Variants in KIAA0319 observed in about 807,000 individuals in gnomAD.
The protein encoded by KIAA0319 is dyslexia-associated protein KIAA0319.
KIAA0319 carries 83 observed loss-of-function variants against 108.4 expected under a neutral mutation model. The ratio of observed to expected loss-of-function variants is 0.77; its 90% CI spans 0.64 to 0.92. The LOEUF is 0.92. Ranked by LOEUF, KIAA0319 falls within the 40% of genes least tolerant of loss-of-function variation. KIAA0319 has a pLI of 0.00. For synonymous variants in KIAA0319, 484 were observed against 510.4 expected, an observed-to-expected ratio of 0.95 and a Z score of 0.70; for missense variants, 1,195 against 1,322.4, an observed-to-expected ratio of 0.90 and a Z score of 1.49.
rs1041982202 is a variant in KIAA0319, at chr6:24,595,994, G to A, written c.680C>T (p.Pro227Leu). The A allele has an allele frequency of 1.2e-6, 2 of 1,614,074 alleles. No homozygotes were observed. Among genetic ancestry groups the A allele is most frequent in the African/African-American group, 1.3e-5 (1 of 74,916 alleles). Reference protein sequence around the residue: ...YLNESASTPAPKLPERSVLLP... With the variant: ...YLNESASTPALKLPERSVLLP... ...CAACACACTTCTCTCAGGGAGTTTT[G>A]GGGCAGGGGTTGAAGCCGACTCATT... The change falls in exon 3 of 21, where the codon CCA (proline) becomes CTA (leucine). Residue 227 changes from proline (P) to leucine (L), a missense_variant. Transcript: ENST00000378214.
At chr6:24,555,553 T>C (rs1479033861) in intron 18 of KIAA0319, among the ~76,000 whole-genome samples, 1 of 151,766 alleles carries the variant, frequency 6.6e-6, no homozygotes, top group Non-Finnish European at 1.5e-5. Flanking sequence ...ATAATTTCAT[T>C]GGAATAATGA....
chr6:24,590,786 G>C (rs1768354323), intron 3 of KIAA0319, among the ~76,000 whole-genome samples: 1 of 152,166 alleles, frequency 6.6e-6, no homozygotes, highest in Non-Finnish European at 1.5e-5. Context: ...GCCTCTCCAG[G>C]CTGGAATCAC....
intron 1 of KIAA0319, among the ~76,000 whole-genome samples, chr6:24,613,736 A>T (rs930021646): frequency 1.2e-4 from 18 of 151,944 alleles, no homozygotes; most frequent in Non-Finnish European, 1.6e-4. Context: ...GAACAAAAGG[A>T]ATGGATTTTA....
At chr6:24,559,208 A>G in intron 16 of KIAA0319, 53 bp from the exon 17 acceptor site, 1 of 1,584,554 alleles carries the variant, frequency 6.3e-7, no homozygotes, top group Non-Finnish European at 8.6e-7. Flanking sequence ...GGTGACTACC[A>G]TGACACGCCC....
At chr6:24,588,026 C>T (rs1168196771) in intron 4 of KIAA0319, among the ~76,000 whole-genome samples, 6 of 152,256 alleles carry the variant, frequency 3.9e-5, no homozygotes. Context: ...CTGCTTACCA[C>T]TCCAGTTCCA....
At position 24,599,474 on chromosome 6, in the gene KIAA0319, C is replaced by A. The variant is rs1312441669; in HGVS notation, c.55+1575G>T. 1.8e-6 allele frequency: 1 copy of A among 559,680 alleles called. No individual in the cohort carries two copies. The highest frequency in any genetic ancestry group is 3.4e-6 in the Non-Finnish European group (1 of 291,278). 34.7% of individuals were successfully genotyped at this position (559,680 alleles called of 1,614,324 possible). A position where few individuals can be genotyped will look rare whatever the true frequency, so the allele number is the denominator to read the frequency against. On this transcript the variant is annotated intron_variant, in intron 2 of 20. Transcript: ENST00000378214. This position sits in a 1 kb window ranked among gnomAD's most constrained non-coding sequence, Gnocchi z 4.1. ...ACATGGCATGGCAGCTGCATGAGTA[C>A]CAGGAGCTGATGATCATCAAGCCAA...
At chr6:24,597,401 G>A (rs1205840596) in intron 2 of KIAA0319, among the ~76,000 whole-genome samples, 1 of 152,184 alleles carries the variant, frequency 6.6e-6, no homozygotes, top group Admixed American at 6.5e-5. Context: ...GCTGGAGGTG[G>A]TGGATTCCTT....
rs1769444129 is a variant in KIAA0319 at position 24,595,799 on chromosome 6, C to T, written c.801+74G>A. On this transcript the variant is annotated intron_variant, in intron 3 of 20. Transcript: ENST00000378214. ...TACAGCCTGAATGAGTGCCCGGCTC[C>T]TGAAACTCAGCCCCTCCTACGGTCT... 2.0e-6 allele frequency: 3 copies of T among 1,494,788 alleles called. No homozygotes were observed. In the African/African-American group the frequency reaches 4.2e-5, roughly 21 times the overall value. 92.6% of individuals were successfully genotyped at this position (1,494,788 alleles called of 1,614,324 possible). A position where few individuals can be genotyped will look rare whatever the true frequency, so the allele number is the denominator to read the frequency against.
chr6:24,542,713 TCAAA>T (rs1341996700), downstream of KIAA0319, among the ~76,000 whole-genome samples: 3 of 152,226 alleles, frequency 2.0e-5, no homozygotes, highest in Admixed American at 6.5e-5. Flanking sequence ...AGACCCTGTC[TCAAA>T]CAAACAAAAA....
intron 16 of KIAA0319, among the ~76,000 whole-genome samples, chr6:24,560,602 G>A (rs1762981005): frequency 6.6e-6 from 1 of 152,186 alleles, no homozygotes; most frequent in Non-Finnish European, 1.5e-5. Flanking sequence ...TCACAGTTCT[G>A]GAGGCCAGAA....
chr6:24,643,493 C>G (rs1329152701), intron 1 of KIAA0319, among the ~76,000 whole-genome samples: 1 of 152,062 alleles, frequency 6.6e-6, no homozygotes, highest in Non-Finnish European at 1.5e-5. Flanking sequence ...AAGCAAAGCT[C>G]CTTCCTTGGG....
intron 1 of KIAA0319, among the ~76,000 whole-genome samples, chr6:24,635,162 A>G (rs541463442): frequency 1.3e-5 from 2 of 151,338 alleles, no homozygotes; most frequent in African/African-American, 2.4e-5. Flanking sequence ...CTAGAGTTCA[A>G]TGGTGTGATC....
intron 1 of KIAA0319, among the ~76,000 whole-genome samples, chr6:24,622,333 AAAAAGAACATG>A (rs1774081625): frequency 6.6e-6 from 1 of 151,536 alleles, no homozygotes; most frequent in Non-Finnish European, 1.5e-5. Flanking sequence ...AAAAAAAAAA[AAAAAGAACATG>A]AAAAAGAAAG....
intron 1 of KIAA0319, among the ~76,000 whole-genome samples, chr6:24,630,701 A>G (rs1775460293): frequency 1.4e-5 from 1 of 70,152 alleles, no homozygotes. Flanking sequence ...ATATATATAT[A>G]TACACATATA....
chr6:24,602,180 C>A (rs1770722108), intron 1 of KIAA0319, among the ~76,000 whole-genome samples: 1 of 152,150 alleles, frequency 6.6e-6, no homozygotes, highest in African/African-American at 2.4e-5. Flanking sequence ...CCACACCCGG[C>A]TAATTTTTGT....
chr6:24,546,978 C>T lies in KIAA0319; in HGVS notation c.*187G>A. On this transcript the variant is annotated 3_prime_UTR_variant, in exon 21 of 21. Transcript: ENST00000378214. ...CCTTTATTTCTATTAACAAGCATCT[C>T]AGTTAAAAGAGCAAAGTTTTTGTTT... is the stretch of plus-strand genomic sequence containing the variant. The T allele has an allele frequency of 1.7e-6, 1 of 572,136 alleles. No homozygotes were observed. Among genetic ancestry groups the T allele is most frequent in the South Asian group, 2.3e-5 (1 of 43,586 alleles). 35.4% of individuals were successfully genotyped at this position (572,136 alleles called of 1,614,324 possible).
At position 24,603,451 on chromosome 6, in the gene KIAA0319, C is replaced by A. The variant is rs1421455877; in HGVS notation, c.-105-2243G>T. ...AGGTTTCCTAATGTGGTGTCAGAATCCCACTGTGAGTTGCAAGATGGTATG... is the reference window on the plus strand; with the variant it reads ...AGGTTTCCTAATGTGGTGTCAGAATACCACTGTGAGTTGCAAGATGGTATG... On this transcript the variant is annotated intron_variant, in intron 1 of 20. Transcript: ENST00000378214. 2.0e-5 allele frequency among the ~76,000 whole-genome samples: 3 copies of A among 152,174 alleles called. No homozygotes were observed. In the East Asian group the frequency reaches 5.8e-4, roughly 29 times the overall value.
chr6:24,543,057 G>C (rs1364767595), downstream of KIAA0319, among the ~76,000 whole-genome samples: 2 of 152,198 alleles, frequency 1.3e-5, no homozygotes, highest in Non-Finnish European at 1.5e-5. Flanking sequence ...GTTTTACACA[G>C]AAGACCATAA....
Sources: gnomAD v4.1 joint callset for allele counts (sites outside exome capture counted in the v4.1 genomes callset) on GRCh38, gnomAD v4.1.1 for gene constraint, Gnocchi (gnomAD v3.1) non-coding constraint, MANE v1.5 for transcripts, NCBI Gene and HGNC (gene_info 2026-07-23, HGNC 2026-07-21) for gene names.